SKAP1: variants seen among roughly 807,000 people sequenced by gnomAD.
SKAP1 encodes the protein src kinase associated phosphoprotein 1, also known as src kinase-associated phosphoprotein 1.
Under a neutral mutation model 58.5 loss-of-function variants are expected in SKAP1, and 44 were observed. That is an observed-to-expected ratio of 0.75 (90% CI 0.59 to 0.97). SKAP1 has a LOEUF of 0.97. Ranked by LOEUF, SKAP1 falls within the 50% of genes least tolerant of loss-of-function variation. The pLI, the probability that SKAP1 is intolerant of heterozygous loss-of-function variation, is 0.00. For synonymous variants in SKAP1, 127 were observed against 149.7 expected (o/e 0.85, Z 1.11); for missense variants, 390 against 435.2 (o/e 0.90, Z 0.92).
chr17:48,248,306 C>A (rs1232618188), intron 4 of SKAP1, among the ~76,000 whole-genome samples: 3 of 152,176 alleles, frequency 2.0e-5, no homozygotes, highest in African/African-American at 7.2e-5. Flanking sequence ...GTGGCTCATG[C>A]TTGTAATCCT....
At chr17:48,144,881 C>G (rs1360762360) in intron 11 of SKAP1, among the ~76,000 whole-genome samples, 4 of 152,190 alleles carry the variant, frequency 2.6e-5, no homozygotes, top group Non-Finnish European at 1.5e-5. Context: ...GGAAGTGTTT[C>G]TGTCTTCAAG....
At chr17:48,192,865 C>T (rs1445852202) in intron 4 of SKAP1, among the ~76,000 whole-genome samples, 1 of 152,156 alleles carries the variant, frequency 6.6e-6, no homozygotes, top group Admixed American at 6.5e-5. Flanking sequence ...ATAGCACCAT[C>T]ACCACCTTCT....
chr17:48,423,575 G>A (rs1334068396), intron 1 of SKAP1, among the ~76,000 whole-genome samples: 1 of 151,772 alleles, frequency 6.6e-6, no homozygotes, highest in African/African-American at 2.4e-5. Context: ...GCACAACTGA[G>A]GAACCAACTT....
chr17:48,378,220 T>C (rs1390680597), intron 2 of SKAP1, among the ~76,000 whole-genome samples: 1 of 152,034 alleles, frequency 6.6e-6, no homozygotes, highest in Non-Finnish European at 1.5e-5. Flanking sequence ...TTTGACCTAC[T>C]CTCCTCAGTG....
At chr17:48,331,283 TAA>T (rs1567871285) in intron 4 of SKAP1, among the ~76,000 whole-genome samples, 2 of 152,100 alleles carry the variant, frequency 1.3e-5, no homozygotes, top group East Asian at 1.9e-4. Flanking sequence ...TAAAAAAAAA[TAA>T]GTTTAATTTG....
At chr17:48,248,594 A>G (rs1217311985) in intron 4 of SKAP1, among the ~76,000 whole-genome samples, 1 of 152,112 alleles carries the variant, frequency 6.6e-6, no homozygotes, top group Non-Finnish European at 1.5e-5. Flanking sequence ...CAAACAAACA[A>G]ACAAATTGTA....
intron 4 of SKAP1, among the ~76,000 whole-genome samples, chr17:48,190,205 C>T (rs1271426908): frequency 6.6e-6 from 1 of 151,346 alleles, no homozygotes; most frequent in Admixed American, 6.6e-5. Context: ...CTCCCGGGCT[C>T]ATGCCATTCT....
At chr17:48,226,583 C>T (rs1485521450) in intron 4 of SKAP1, among the ~76,000 whole-genome samples, 1 of 152,166 alleles carries the variant, frequency 6.6e-6, no homozygotes, top group Non-Finnish European at 1.5e-5. Flanking sequence ...TTTGAAATAT[C>T]TAGACTTCCT....
intron 4 of SKAP1, among the ~76,000 whole-genome samples, chr17:48,191,909 C>T (rs767225156): frequency 6.6e-6 from 1 of 152,178 alleles, no homozygotes; most frequent in Non-Finnish European, 1.5e-5. Context: ...TTCTCCTACC[C>T]CTCTGAAAAC....
At chr17:48,290,977 G>C (rs1225127036) in intron 4 of SKAP1, among the ~76,000 whole-genome samples, 2 of 151,918 alleles carry the variant, frequency 1.3e-5, no homozygotes, top group Non-Finnish European at 2.9e-5. Flanking sequence ...TGTTTCAAAA[G>C]ACAAAAAATT....
chr17:48,143,152 C>T (rs191954071), intron 11 of SKAP1, among the ~76,000 whole-genome samples: 217 of 148,878 alleles, frequency 1.5e-3, no homozygotes, highest in Admixed American at 3.8e-3. Flanking sequence ...CCCTACAGTT[C>T]GCAACGTCTT....
chr17:48,342,600 C>G (rs2144316599), intron 4 of SKAP1, among the ~76,000 whole-genome samples: 1 of 152,260 alleles, frequency 6.6e-6, no homozygotes, highest in East Asian at 1.9e-4. Flanking sequence ...ACTGTGTATC[C>G]TTTTATAATG....
intron 4 of SKAP1, among the ~76,000 whole-genome samples, chr17:48,202,247 A>C (rs1567818639): frequency 6.6e-6 from 1 of 152,224 alleles, no homozygotes; most frequent in African/African-American, 2.4e-5. Context: ...AAGACAAAAG[A>C]AGACTCAGGA....
At chr17:48,173,264 C>A (rs550560702) in intron 9 of SKAP1, among the ~76,000 whole-genome samples, 1 of 151,838 alleles carries the variant, frequency 6.6e-6, no homozygotes, top group East Asian at 1.9e-4. Flanking sequence ...GGAAAAGGAG[C>A]ACTTTGACTC....
intron 4 of SKAP1, among the ~76,000 whole-genome samples, chr17:48,331,295 G>A (rs1466398097): frequency 6.6e-6 from 1 of 152,062 alleles, no homozygotes; most frequent in Non-Finnish European, 1.5e-5. Context: ...AGTTTAATTT[G>A]GCAGAATATA....
At chr17:48,408,486 T>C (rs1567903734) in intron 1 of SKAP1, among the ~76,000 whole-genome samples, 1 of 152,148 alleles carries the variant, frequency 6.6e-6, no homozygotes, top group Non-Finnish European at 1.5e-5. Context: ...ACCATAACCC[T>C]AGTTCTAAAA....
At chr17:48,303,845 T>C (rs1598540157) in intron 4 of SKAP1, among the ~76,000 whole-genome samples, 1 of 152,198 alleles carries the variant, frequency 6.6e-6, no homozygotes, top group Non-Finnish European at 1.5e-5. Flanking sequence ...AAACTGTCAA[T>C]GTTTGGGAAA....
At chr17:48,329,336 T>C (rs1009594741) in intron 4 of SKAP1, among the ~76,000 whole-genome samples, 1 of 152,248 alleles carries the variant, frequency 6.6e-6, no homozygotes, top group African/African-American at 2.4e-5. Flanking sequence ...CCATTATTAA[T>C]GTGCTACTGC....
At chr17:48,376,005 A>G (rs958604432) in intron 2 of SKAP1, among the ~76,000 whole-genome samples, 2 of 152,158 alleles carry the variant, frequency 1.3e-5, no homozygotes, top group African/African-American at 4.8e-5. Flanking sequence ...TTCGGTTCCA[A>G]ACTTGTGTAT....
Sources: gnomAD v4.1 joint callset for allele counts (sites outside exome capture counted in the v4.1 genomes callset) on GRCh38, gnomAD v4.1.1 for gene constraint, MANE v1.5 for transcripts, NCBI Gene and HGNC (gene_info 2026-07-23, HGNC 2026-07-21) for gene names.